The following SCN11A variants were observed in gnomAD, a reference collection of about 807,000 sequenced individuals.
The protein encoded by SCN11A is sodium voltage-gated channel alpha subunit 11.
SCN11A carries 122 observed loss-of-function variants against 162.2 expected under a neutral mutation model. The observed-to-expected ratio is 0.75, with a 90% confidence interval of 0.65 to 0.87. The LOEUF (loss-of-function observed/expected upper bound fraction) is 0.87, where lower values mean the gene tolerates loss of function less well. SCN11A is among the 40% of genes least tolerant of loss of function. SCN11A has a pLI of 0.00. For synonymous variants in SCN11A, 758 were observed against 751.5 expected (o/e 1.01, Z -0.14); for missense variants, 2,015 against 2,181.6 (o/e 0.92, Z 1.52).
intron 2 of SCN11A, among the ~76,000 whole-genome samples, chr3:38,967,759 C>G (rs78555153): frequency 6.6e-6 from 1 of 152,290 alleles, no homozygotes; most frequent in South Asian, 2.1e-4. Flanking sequence ...AAAGATGATT[C>G]CTGCATATTC....
intron 27 of SCN11A, among the ~76,000 whole-genome samples, chr3:38,865,141 G>A (rs950629423): frequency 1.3e-5 from 2 of 152,174 alleles, no homozygotes; most frequent in Admixed American, 6.6e-5. Flanking sequence ...CTTAGAACAA[G>A]CACATTCTTA....
intron 2 of SCN11A, among the ~76,000 whole-genome samples, chr3:39,009,638 G>A (rs1224110237): frequency 6.9e-6 from 1 of 145,136 alleles, no homozygotes; most frequent in African/African-American, 2.6e-5. Context: ...ATACTAGATG[G>A]CTCAGCTGAA....
At chr3:39,011,925 A>G (rs2031149200) in intron 2 of SCN11A, among the ~76,000 whole-genome samples, 1 of 152,236 alleles carries the variant, frequency 6.6e-6, no homozygotes, top group Non-Finnish European at 1.5e-5. Flanking sequence ...AACAGGTCAG[A>G]CTGATCTGGA....
chr3:38,943,780 G>A (rs1286980566), intron 7 of SCN11A, among the ~76,000 whole-genome samples: 1 of 152,180 alleles, frequency 6.6e-6, no homozygotes, highest in Non-Finnish European at 1.5e-5. Flanking sequence ...CATGGAGGTA[G>A]AGAATGGAAT....
intron 23 of SCN11A, among the ~76,000 whole-genome samples, chr3:38,876,273 G>A (rs1471356769): frequency 6.6e-6 from 1 of 151,970 alleles, no homozygotes; most frequent in Non-Finnish European, 1.5e-5. Context: ...AGATAACATG[G>A]GAAAAACTCT....
intron 2 of SCN11A, among the ~76,000 whole-genome samples, chr3:39,027,494 C>T (rs1269391285): frequency 1.3e-5 from 2 of 152,166 alleles, no homozygotes; most frequent in South Asian, 2.1e-4. Context: ...AAGCTCAGCT[C>T]GAAAGTGTAG....
At chr3:38,927,896 G>A (rs1007361895) in intron 7 of SCN11A, among the ~76,000 whole-genome samples, 18 of 152,058 alleles carry the variant, frequency 1.2e-4, no homozygotes, top group Non-Finnish European at 2.4e-4. Flanking sequence ...ATTTGGGTGG[G>A]GACACAGACA....
intron 2 of SCN11A, among the ~76,000 whole-genome samples, chr3:38,985,311 T>C (rs1261099964): frequency 1.3e-5 from 2 of 150,238 alleles, no homozygotes; most frequent in South Asian, 2.1e-4. Flanking sequence ...TTTGTATTTT[T>C]AGTAGAGACG....
rs1318638335 is a variant in SCN11A, at chr3:38,879,941, T to G, written c.3393+9A>C. On this transcript the variant is annotated intron_variant, in intron 23 of 29. Coordinates refer to ENST00000302328, the MANE Select transcript of SCN11A (RefSeq NM_001349253.2). ...CAGCCTGTGTGGGACACAGAGATGG[T>G]AAACTTACAATCACAATGATGAAAT... is the stretch of plus-strand genomic sequence containing the variant. 6.2e-7 allele frequency: 1 copy of G among 1,610,706 alleles called. No individual in the cohort carries two copies. Among genetic ancestry groups the G allele is most frequent in the African/African-American group, 1.3e-5 (1 of 74,922 alleles).
At chr3:38,950,058 C>G (rs1451574576) in intron 5 of SCN11A, 38 bp downstream of exon 5, 14 of 91,620 alleles carry the variant, frequency 1.5e-4, no homozygotes, top group South Asian at 4.0e-4. Flanking sequence ...GGTTAGAACA[C>G]CCCCACCCCC....
chr3:38,857,950 G>C (rs373298975), intron 28 of SCN11A, among the ~76,000 whole-genome samples: 1 of 152,040 alleles, frequency 6.6e-6, no homozygotes, highest in Non-Finnish European at 1.5e-5. Flanking sequence ...TAAATGCTGA[G>C]AGAATTCATC....
At chr3:39,046,044 G>C (rs149942275) in intron 1 of SCN11A, among the ~76,000 whole-genome samples, 1 of 152,300 alleles carries the variant, frequency 6.6e-6, no homozygotes, top group African/African-American at 2.4e-5. Context: ...AGGAACACTT[G>C]AGGCCAAGAG....
chr3:38,851,736 C>T lies in SCN11A; in HGVS notation c.4057-985G>A, dbSNP rs372126049. On this transcript the variant is annotated intron_variant, in intron 28 of 29. Coordinates refer to ENST00000302328, the MANE Select transcript of SCN11A (RefSeq NM_001349253.2). ...TACACTATTATCTTTAGAGAACTCA[C>T]ATACTCCTAAGAATACATCTTTAGA... Among the ~76,000 whole-genome samples the T allele has an allele frequency of 5.9e-5, 9 of 152,304 alleles. No homozygotes were observed. The East Asian group carries it at 9.6e-4, about 16-fold the overall frequency.
At chr3:38,938,534 A>T (rs2066381116) in intron 7 of SCN11A, among the ~76,000 whole-genome samples, 1 of 25,360 alleles carries the variant, frequency 3.9e-5, no homozygotes, top group African/African-American at 1.1e-4. Flanking sequence ...ATATATATAT[A>T]TATATATATA....
rs765879760 is a variant in SCN11A at position 38,985,954 on chromosome 3, C to A, written c.-279-25531G>T. Among the ~76,000 whole-genome samples, 17 of 150,926 alleles carry A rather than the reference C, an allele frequency of 1.1e-4. 2 individuals carry two copies. Among genetic ancestry groups the A allele is most frequent in the African/African-American group, 1.5e-4 (6 of 40,270 alleles). On this transcript the variant is annotated intron_variant, in intron 2 of 29. Coordinates refer to ENST00000302328, the MANE Select transcript of SCN11A (RefSeq NM_001349253.2). The stretch of plus-strand genomic sequence containing the variant: ...AAGGGTCTGCTTTGCAGGTGGCTCA[C>A]TCATGAGGCAAGGTTGTACTGGCCA...
chr3:39,031,745 T>A (rs1333040948), intron 2 of SCN11A, among the ~76,000 whole-genome samples: 1 of 152,210 alleles, frequency 6.6e-6, no homozygotes, highest in African/African-American at 2.4e-5. Context: ...CATAACACCC[T>A]TATTTCTTCA....
At chr3:39,037,142 T>A (rs2031922371) in intron 1 of SCN11A, among the ~76,000 whole-genome samples, 1 of 152,154 alleles carries the variant, frequency 6.6e-6, no homozygotes, top group African/African-American at 2.4e-5. Flanking sequence ...ACTATTCAGC[T>A]ACAAAAAGGA....
intron 4 of SCN11A, among the ~76,000 whole-genome samples, chr3:38,952,167 A>T (rs150398845): frequency 0.016 from 2,428 of 152,258 alleles, 68 homozygotes; most frequent in African/African-American, 0.056. Context: ...ACTCACCGCG[A>T]GAGTCCGAGG....
intron 2 of SCN11A, among the ~76,000 whole-genome samples, chr3:38,989,464 C>A (rs1409698460): frequency 6.6e-6 from 1 of 152,230 alleles, no homozygotes; most frequent in African/African-American, 2.4e-5. Context: ...CTAGGTACAA[C>A]CCGTGCATCT....
Sources: allele counts gnomAD v4.1 joint callset (sites outside exome capture counted in the v4.1 genomes callset), GRCh38; gene constraint gnomAD v4.1.1; transcripts MANE v1.5; gene names NCBI Gene and HGNC (gene_info 2026-07-23, HGNC 2026-07-21).